C3orf33: variants seen among roughly 807,000 people sequenced by gnomAD.
The protein encoded by C3orf33 is AP-1 activity suppressor.
C3orf33 carries 23 observed loss-of-function variants against 28.7 expected under a neutral mutation model. The observed-to-expected ratio is 0.80, with a 90% CI of 0.58 to 1.13. The LOEUF (loss-of-function observed/expected upper bound fraction) is 1.13. Ranked by LOEUF, C3orf33 falls within the 50% of genes most tolerant of loss-of-function variation. The pLI, the probability that C3orf33 is intolerant of heterozygous loss-of-function variation, is 0.00. For synonymous variants in C3orf33, 119 were observed against 120.5 expected (o/e 0.99, Z 0.08); for missense variants, 327 against 353.4 (o/e 0.93, Z 0.60).
intron 3 of C3orf33, among the ~76,000 whole-genome samples, chr3:155,770,451 C>T (rs1023300896): frequency 1.3e-5 from 2 of 152,192 alleles, no homozygotes; most frequent in Admixed American, 1.3e-4. Flanking sequence ...GAGACCAAAG[C>T]TTTTGGGACC....
chr3:155,763,676 A>C lies in C3orf33; in HGVS notation c.726T>G (p.Phe242Leu). Reference sequence around the variant, plus strand: ...TGAAATCTGATCCTGTTGTTTTTAAAAAACTGTCCTTTTTCCATATTTCTC... The same window carrying C: ...TGAAATCTGATCCTGTTGTTTTTAACAAACTGTCCTTTTTCCATATTTCTC... The part of the protein sequence containing the change: ...SWREIWKKDS[F>L]LKTTGSDFSL... The change falls in exon 5 of 5, where the codon TTT (phenylalanine) becomes TTG (leucine). Residue 242 changes from phenylalanine (F) to leucine (L), a missense_variant. Coordinates refer to ENST00000340171, the MANE Select transcript of C3orf33 (RefSeq NM_001308229.2). The C allele has an allele frequency of 6.3e-7, 1 of 1,594,374 alleles. No homozygotes were observed. The highest frequency in any genetic ancestry group is 8.5e-7 in the Non-Finnish European group (1 of 1,175,372).
intron 2 of C3orf33, among the ~76,000 whole-genome samples, chr3:155,778,165 A>G (rs1026478996): frequency 1.3e-5 from 2 of 150,168 alleles, no homozygotes; most frequent in African/African-American, 4.9e-5. Flanking sequence ...AAAAAAAAAC[A>G]AGTAGGGGTA....
intron 2 of C3orf33, among the ~76,000 whole-genome samples, chr3:155,786,379 A>G (rs1219300537): frequency 6.6e-6 from 1 of 152,214 alleles, no homozygotes; most frequent in Non-Finnish European, 1.5e-5. Flanking sequence ...AATGGACTAA[A>G]AAAAGAGAGA....
intron 3 of C3orf33, among the ~76,000 whole-genome samples, chr3:155,772,772 CTGTGTGTGTGTGTGTG>C (rs60966459): frequency 8.4e-5 from 12 of 142,138 alleles, no homozygotes; most frequent in African/African-American, 2.6e-4. Context: ...TTTTTAGGCT[CTGTGTGTGTGTGTGTG>C]TGTGTGTGTG....
At position 155,763,425 on chromosome 3, in the gene C3orf33, G is replaced by C; in HGVS notation, c.*92C>G. ...CATTGGACTAACACTTTGATCATTT[G>C]GCAAAACTTCCATTTTGATTCAATG... On this transcript the variant is annotated 3_prime_UTR_variant, in exon 5 of 5. Transcript: ENST00000340171. 1.1e-6 allele frequency: 1 copy of C among 923,728 alleles called. No individual in the cohort carries two copies. The allele number at this position is 923,728 out of a possible 1,614,324, so 57.2% of individuals were successfully genotyped here.
intron 1 of C3orf33, among the ~76,000 whole-genome samples, 199 bp from the exon 2 acceptor site, chr3:155,802,790 T>C (rs903927701): frequency 6.6e-6 from 1 of 152,170 alleles, no homozygotes; most frequent in African/African-American, 2.4e-5. Flanking sequence ...ACTTTTATAG[T>C]ACTCAAATTC....
In C3orf33 at chr3:155,788,134, T is replaced by G. The variant is rs796080514; in HGVS notation, c.175-12286A>C. On this transcript the variant is annotated intron_variant, in intron 2 of 4. Transcript: ENST00000340171. ...TGAACCTGGGAGGCGGAGCTTACAGTGAGCCGAGATTGTGCCACTGCACTC... is the reference window on the plus strand; with the variant it reads ...TGAACCTGGGAGGCGGAGCTTACAGGGAGCCGAGATTGTGCCACTGCACTC... Among the ~76,000 whole-genome samples the G allele has an allele frequency of 4.7e-5, 7 of 150,362 alleles. No homozygotes were observed. In the South Asian group the frequency reaches 1.0e-3, roughly 23 times the overall value.
intron 3 of C3orf33, among the ~76,000 whole-genome samples, chr3:155,774,722 G>A (rs1055154041): frequency 2.1e-5 from 3 of 141,686 alleles, no homozygotes; most frequent in African/African-American, 8.0e-5. Flanking sequence ...TTTAATGTGT[G>A]GCCCAAGAAA....
rs57517417 is a variant in C3orf33 at position 155,783,467 on chromosome 3, A to ATTTTT, written c.175-7624_175-7620dup. Among the ~76,000 whole-genome samples the ATTTTT allele has an allele frequency of 4.8e-3, 646 of 134,154 alleles. 12 individuals are homozygous for ATTTTT. Among genetic ancestry groups the ATTTTT allele is most frequent in the African/African-American group, 0.015 (530 of 36,214 alleles). The allele number at this position is 134,154 out of a possible 152,430, so 88.0% of individuals were successfully genotyped here. A position where few individuals can be genotyped will look rare whatever the true frequency, so the allele number is the denominator to read the frequency against. On this transcript the variant is annotated intron_variant, in intron 2 of 4. Transcript: ENST00000340171. ...ACCGCACCCAGCAAACCTGTACTAC[A>ATTTTT]TTTTTTTTTTTTTTTTGGAGATGGA...
chr3:155,790,077 T>C lies in C3orf33; in HGVS notation c.174+12455A>G, dbSNP rs1751263839. Among the ~76,000 whole-genome samples the C allele has an allele frequency of 2.9e-5, 4 of 139,346 alleles. No homozygotes were observed. The South Asian group carries it at 8.8e-4, about 30-fold the overall frequency. The allele number at this position is 139,346 out of a possible 152,430, so 91.4% of individuals were successfully genotyped here. A position where few individuals can be genotyped will look rare whatever the true frequency, so the allele number is the denominator to read the frequency against. On this transcript the variant is annotated intron_variant, in intron 2 of 4. Transcript: ENST00000340171. ...TACTGGGGAGGCTGAGGCATGAGAA[T>C]CACTTGAACCCGGGAGGCAGAAGTT...
At chr3:155,786,324 A>ATT (rs1559995152) in intron 2 of C3orf33, among the ~76,000 whole-genome samples, 1 of 152,118 alleles carries the variant, frequency 6.6e-6, no homozygotes. Context: ...ATGAAACTAA[A>ATT]AGTTGGTTCT....
chr3:155,782,180 A>AG (rs2109264675), intron 2 of C3orf33, among the ~76,000 whole-genome samples: 1 of 152,110 alleles, frequency 6.6e-6, no homozygotes, highest in East Asian at 1.9e-4. Context: ...AAAAAAAAAA[A>AG]AAGATAAATT....
At chr3:155,795,977 T>C (rs1203146031) in intron 2 of C3orf33, among the ~76,000 whole-genome samples, 2 of 151,406 alleles carry the variant, frequency 1.3e-5, no homozygotes, top group African/African-American at 4.8e-5. Context: ...ATAATAATAA[T>C]GAAAACACAA....
At chr3:155,795,932 G>C (rs1341725366) in intron 2 of C3orf33, among the ~76,000 whole-genome samples, 1 of 151,648 alleles carries the variant, frequency 6.6e-6, no homozygotes, top group African/African-American at 2.4e-5. Flanking sequence ...CTCCAGCCTG[G>C]GCAACAAAGC....
chr3:155,768,052 G>A (rs1391429590), intron 3 of C3orf33, among the ~76,000 whole-genome samples: 2 of 151,928 alleles, frequency 1.3e-5, no homozygotes, highest in African/African-American at 4.8e-5. Context: ...GCTGATTGTT[G>A]CATTTTTAGT....
At chr3:155,805,615 G>A (rs752839978) in intron 1 of C3orf33, 38 of 454,368 alleles carry the variant, frequency 8.4e-5, no homozygotes, top group South Asian at 5.0e-4. Flanking sequence ...CCAGCTACTC[G>A]GGAGGCTGAA....
chr3:155,791,171 T>A (rs771636589), intron 2 of C3orf33, among the ~76,000 whole-genome samples: 18 of 152,018 alleles, frequency 1.2e-4, no homozygotes, highest in Non-Finnish European at 1.8e-4. Context: ...GGACGAAGAC[T>A]CCCATTTCAG....
In C3orf33 at chr3:155,763,605, T is replaced by G; in HGVS notation, c.797A>C (p.Glu266Ala). ...GTTGTTCATGTTGTCTTTCCATATTTCATAAGTCCTTTTAAGTTTTTCATA... is the reference window on the plus strand; with the variant it reads ...GTTGTTCATGTTGTCTTTCCATATTGCATAAGTCCTTTTAAGTTTTTCATA... ...SYYEKLKRTY[E>A]IWKDNMNNCS... Residue 266 changes from glutamate (E) to alanine (A), a missense_variant, in exon 5 of 5, where the codon GAA becomes GCA. By Grantham distance (107) the Glu-to-Ala change is moderately radical. Transcript: ENST00000340171. 6.3e-7 allele frequency: 1 copy of G among 1,590,624 alleles called. No individual in the cohort carries two copies. The highest frequency in any genetic ancestry group is 1.9e-5 in the Admixed American group (1 of 53,118).
At position 155,793,834 on chromosome 3, in the gene C3orf33, A is replaced by AAAC. The variant is rs1559998552; in HGVS notation, c.174+8695_174+8697dup. On this transcript the variant is annotated intron_variant, in intron 2 of 4. Transcript: ENST00000340171. Reference sequence around the variant, plus strand: ...CAAAAAAAAAAAAAAAAAACTAAAAAAACTAAAAAAACTAAAACAGCTTTT... The same window carrying AAAC: ...CAAAAAAAAAAAAAAAAAACTAAAAAAACAACTAAAAAAACTAAAACAGCTTTT... 2.1e-4 allele frequency among the ~76,000 whole-genome samples: 31 copies of AAAC among 146,594 alleles called. 1 individual carries two copies. Among genetic ancestry groups the AAAC allele is most frequent in the South Asian group, 6.6e-4 (3 of 4,560 alleles).
Sources: gnomAD v4.1 joint callset for allele counts (sites outside exome capture counted in the v4.1 genomes callset) on GRCh38, gnomAD v4.1.1 for gene constraint, MANE v1.5 for transcripts, NCBI Gene and HGNC (gene_info 2026-07-23, HGNC 2026-07-21) for gene names.